ABHD18: variants seen among roughly 807,000 people sequenced by gnomAD.
The protein encoded by ABHD18 is abhydrolase domain containing 18, also known as cardiolipin-specific deacylase, mitochondrial.
A neutral mutation model predicts 65.9 loss-of-function variants in ABHD18; 55 were observed. The ratio of observed to expected loss-of-function variants is 0.84; its 90% CI spans 0.67 to 1.05. ABHD18 has a LOEUF of 1.05. Among genes scored for constraint, ABHD18 ranks in the 50% least tolerant of loss-of-function variants. ABHD18 has a pLI of 0.00. For synonymous variants in ABHD18, 181 were observed against 180.2 expected (o/e 1.00, Z -0.04); for missense variants, 533 against 558.5 (o/e 0.95, Z 0.46).
intron 7 of ABHD18, 126 bp from the exon 8 acceptor site, chr4:128,017,237 T>G: frequency 1.1e-6 from 1 of 891,000 alleles, no homozygotes; most frequent in Non-Finnish European, 1.7e-6. Flanking sequence ...ATTTATTACA[T>G]TGTTTTACTT....
At chr4:127,988,726 A>G (rs1274081968) in intron 3 of ABHD18, among the ~76,000 whole-genome samples, 1 of 152,218 alleles carries the variant, frequency 6.6e-6, no homozygotes, top group East Asian at 1.9e-4. Context: ...ACAGTGATAT[A>G]TCATTTACCC....
At chr4:128,034,094 G>T (rs889456712) in intron 12 of ABHD18, among the ~76,000 whole-genome samples, 19 of 151,294 alleles carry the variant, frequency 1.3e-4, no homozygotes, top group Non-Finnish European at 2.5e-4. Flanking sequence ...GAGTAGCTGG[G>T]ATTACAGGCA....
chr4:127,999,323 G>A (rs114616569), intron 4 of ABHD18, among the ~76,000 whole-genome samples: 8 of 152,022 alleles, frequency 5.3e-5, no homozygotes, highest in African/African-American at 1.9e-4. Flanking sequence ...CCTTCTGGTG[G>A]CTTAGTTCTT....
intron 10 of ABHD18, 60 bp from the exon 11 acceptor site, chr4:128,028,415 C>A: frequency 2.5e-6 from 3 of 1,205,792 alleles, no homozygotes; most frequent in Non-Finnish European, 3.3e-6. Context: ...TTTTTTTTGA[C>A]AAAGCTGTTA....
intron 1 of ABHD18, chr4:127,966,203 A>G (rs1404230211): frequency 1.3e-5 from 2 of 152,184 alleles, no homozygotes; most frequent in Non-Finnish European, 2.9e-5. Flanking sequence ...TTAGGCTTGT[A>G]GGCTAGCTGG....
At chr4:127,966,462 A>G (rs1034544382) in intron 1 of ABHD18, among the ~76,000 whole-genome samples, 16 of 152,066 alleles carry the variant, frequency 1.1e-4, no homozygotes, top group Non-Finnish European at 2.2e-4. Context: ...GTCCTATACT[A>G]GTTACACAGT....
chr4:128,030,649 T>C lies in ABHD18; in HGVS notation c.1320T>C (p.Tyr440=), dbSNP rs779949340. 1 of 1,596,456 alleles carries C rather than the reference T, an allele frequency of 6.3e-7. No homozygotes were observed. Among genetic ancestry groups the C allele is most frequent in the South Asian group, 1.1e-5 (1 of 87,084 alleles). Residue 440 remains tyrosine, a synonymous_variant, in exon 12 of 13, where the codon TAT becomes TAC. Transcript: ENST00000645843. ...TAGAAGGGGGTCATATTAGTGCTTA[T>C]CTTTTTAAACAAGGACTCTTCAGGT... is the stretch of plus-strand genomic sequence containing the variant. The part of the protein sequence containing the change: ...RYLEGGHISA[Y]LFKQGLFRQA...
intron 6 of ABHD18, 58 bp from the exon 7 acceptor site, chr4:128,011,615 T>C: frequency 1.4e-6 from 2 of 1,379,440 alleles, no homozygotes; most frequent in Non-Finnish European, 2.0e-6. Flanking sequence ...TAATGTACTC[T>C]CAGACAAACA....
intron 1 of ABHD18, among the ~76,000 whole-genome samples, chr4:127,975,769 A>G (rs1477356445): frequency 6.6e-6 from 1 of 152,158 alleles, no homozygotes; most frequent in Non-Finnish European, 1.5e-5. Flanking sequence ...TTTGCATTAT[A>G]TTTATGCCCA....
At position 128,008,961 on chromosome 4, in the gene ABHD18, G is replaced by C; in HGVS notation, c.320G>C (p.Arg107Thr). The change falls in exon 5 of 13, where the codon AGA (arginine) becomes ACA (threonine). Residue 107 changes from arginine to threonine, a missense_variant. Coordinates refer to ENST00000645843, the MANE Select transcript of ABHD18 (RefSeq NM_001358451.3). ...CCTAAAGAATGGAACAGCAAATATA[G>C]ACCTGTATGCATTCATCTTGCTGGA... ...IVPKEWNSKY[R>T]PVCIHLAGTG... 3 of 1,611,072 alleles carry C rather than the reference G, an allele frequency of 1.9e-6. No homozygotes were observed. Among genetic ancestry groups the C allele is most frequent in the Non-Finnish European group, 2.5e-6 (3 of 1,178,932 alleles).
At chr4:127,991,577 C>T (rs1750932069) in intron 4 of ABHD18, among the ~76,000 whole-genome samples, 1 of 152,078 alleles carries the variant, frequency 6.6e-6, no homozygotes, top group South Asian at 2.1e-4. Flanking sequence ...GAACCTAGAT[C>T]TTTACACAGT....
chr4:127,985,200 A>G (rs1448571008), intron 3 of ABHD18, among the ~76,000 whole-genome samples: 1 of 152,334 alleles, frequency 6.6e-6, no homozygotes, highest in Non-Finnish European at 1.5e-5. Flanking sequence ...CTATAAAATT[A>G]GAGAAGGCAA....
chr4:128,033,661 C>T (rs1758523899), intron 12 of ABHD18, among the ~76,000 whole-genome samples: 1 of 150,892 alleles, frequency 6.6e-6, no homozygotes, highest in Non-Finnish European at 1.5e-5. Context: ...TCAGCCTCTG[C>T]AGTAGCTGGG....
chr4:127,982,510 C>T (rs1749240627), intron 1 of ABHD18, among the ~76,000 whole-genome samples: 1 of 152,122 alleles, frequency 6.6e-6, no homozygotes, highest in South Asian at 2.1e-4. Flanking sequence ...ACTCTCTATG[C>T]CTCAGTTTTC....
chr4:128,028,451 T>G, intron 10 of ABHD18, 24 bp from the exon 11 acceptor site: 3 of 1,441,944 alleles, frequency 2.1e-6, no homozygotes, highest in Non-Finnish European at 2.7e-6. Flanking sequence ...TTAAATAATG[T>G]TTTCTTTCCT....
chr4:127,989,546 C>A (rs933498388), intron 3 of ABHD18, among the ~76,000 whole-genome samples, 175 bp from the exon 4 acceptor site: 1 of 151,952 alleles, frequency 6.6e-6, no homozygotes, highest in Non-Finnish European at 1.5e-5. Context: ...ATAATACATT[C>A]AATGATTATG....
At chr4:127,992,246 C>T (rs1209603146) in intron 4 of ABHD18, among the ~76,000 whole-genome samples, 1 of 151,930 alleles carries the variant, frequency 6.6e-6, no homozygotes, top group African/African-American at 2.4e-5. Flanking sequence ...CCTAGGAGGG[C>T]GGATCACCTG....
chr4:128,015,913 C>T (rs753508041), intron 7 of ABHD18, among the ~76,000 whole-genome samples: 28 of 150,394 alleles, frequency 1.9e-4, no homozygotes, highest in Admixed American at 8.0e-4. Flanking sequence ...TCACTATATA[C>T]GGATGGTTCT....
chr4:127,997,117 T>G (rs1751874836), intron 4 of ABHD18, among the ~76,000 whole-genome samples: 1 of 152,222 alleles, frequency 6.6e-6, no homozygotes, highest in Admixed American at 6.5e-5. Flanking sequence ...CCATGAAATA[T>G]TCACAATTTA....
Sources: allele counts gnomAD v4.1 joint callset (sites outside exome capture counted in the v4.1 genomes callset), GRCh38; gene constraint gnomAD v4.1.1; transcripts MANE v1.5; gene names NCBI Gene and HGNC (gene_info 2026-07-23, HGNC 2026-07-21).